The following ASNS variants were observed in gnomAD, a reference collection of about 807,000 sequenced individuals.
ASNS encodes asparagine synthetase [glutamine-hydrolyzing].
ASNS carries 37 observed loss-of-function variants against 62.6 expected under a neutral mutation model. That is an observed-to-expected ratio of 0.59 (90% CI 0.45 to 0.78). The LOEUF (loss-of-function observed/expected upper bound fraction) is 0.78. Ranked by LOEUF, ASNS falls within the 30% of genes least tolerant of loss-of-function variation. ASNS has a pLI of 0.00. For synonymous variants in ASNS, 207 were observed against 237.9 expected (o/e 0.87, Z 1.19); for missense variants, 520 against 682.4 (o/e 0.76, Z 2.65).
Position 97,852,218 on chromosome 7 carries a change from AC to A in ASNS, c.*40del. 1 of 1,603,728 alleles carries A rather than the reference AC, an allele frequency of 6.2e-7. No individual in the cohort carries two copies. The highest frequency in any genetic ancestry group is 8.5e-7 in the Non-Finnish European group (1 of 1,173,204). ...TATCTACCCACAGTCCCCATCCAAC[AC>A]GAAGAAATATTTGCTTTCACATTAC... On this transcript the variant is annotated 3_prime_UTR_variant, in exon 13 of 13. Coordinates refer to ENST00000394308, the MANE Select transcript of ASNS (RefSeq NM_001673.5).
the ASNS span, among the ~76,000 whole-genome samples, chr7:97,904,284 T>TCTCACA: frequency 5.3e-4 from 71 of 135,200 alleles, no homozygotes; most frequent in African/African-American, 1.9e-3. Context: ...ACTACCAGTT[T>TCTCACA]CACACACACA....
chr7:97,921,908 A>G, the ASNS span, among the ~76,000 whole-genome samples: 1 of 152,160 alleles, frequency 6.6e-6, no homozygotes, highest in East Asian at 1.9e-4. Flanking sequence ...TCCAGCAACA[A>G]TGTAGTGTAC....
chr7:97,875,296 C>T (rs1792415100), upstream of ASNS, among the ~76,000 whole-genome samples: 1 of 152,228 alleles, frequency 6.6e-6, no homozygotes, highest in African/African-American at 2.4e-5. Context: ...CATGCCACCA[C>T]TGTCTGGCTA....
the ASNS span, chr7:97,927,985 C>T: frequency 5.7e-6 from 4 of 704,148 alleles, no homozygotes; most frequent in Admixed American, 7.5e-5. Flanking sequence ...CAGCTTTAAC[C>T]CGGGGCAGGC....
intron 7 of ASNS, among the ~76,000 whole-genome samples, chr7:97,857,974 A>G (rs1791537050): frequency 6.6e-6 from 1 of 152,096 alleles, no homozygotes; most frequent in African/African-American, 2.4e-5. Context: ...TCAGCCTCGT[A>G]AAGTGCTGGG....
the ASNS span, among the ~76,000 whole-genome samples, chr7:97,878,128 G>A: frequency 6.6e-6 from 1 of 152,220 alleles, no homozygotes; most frequent in Non-Finnish European, 1.5e-5. Flanking sequence ...GCTCACACCT[G>A]TAATCCCAAC....
At chr7:97,900,359 T>TAAAAA in the ASNS span, among the ~76,000 whole-genome samples, 6 of 58,384 alleles carry the variant, frequency 1.0e-4, no homozygotes, top group Non-Finnish European at 1.4e-4. Context: ...AGACTTTGTC[T>TAAAAA]CAAAAAAAAA....
chr7:97,906,415 C>A, the ASNS span: 1 of 262,678 alleles, frequency 3.8e-6, no homozygotes, highest in Non-Finnish European at 7.4e-6. Context: ...ACCCATGTCC[C>A]CAGTGCATCC....
At chr7:97,915,958 A>G in the ASNS span, among the ~76,000 whole-genome samples, 4 of 152,216 alleles carry the variant, frequency 2.6e-5, no homozygotes. Context: ...TGAGGCTGCC[A>G]TGGACTCAGA....
At chr7:97,865,801 C>T (rs141168755) in intron 3 of ASNS, among the ~76,000 whole-genome samples, 4 of 152,262 alleles carry the variant, frequency 2.6e-5, no homozygotes, top group Admixed American at 6.5e-5. Flanking sequence ...CTGCCAATGG[C>T]GTATCCAGCT....
the ASNS span, among the ~76,000 whole-genome samples, chr7:97,900,779 A>T: frequency 1.3e-5 from 2 of 152,082 alleles, no homozygotes; most frequent in South Asian, 2.1e-4. Flanking sequence ...GAGCCACGGT[A>T]AGACTGACTG....
intron 3 of ASNS, among the ~76,000 whole-genome samples, chr7:97,865,866 G>C (rs1791938592): frequency 6.6e-6 from 1 of 152,078 alleles, no homozygotes; most frequent in Non-Finnish European, 1.5e-5. Context: ...GGGAAATCCG[G>C]GCATGTGTAG....
intron 1 of ASNS, chr7:97,870,207 T>A: frequency 1.0e-6 from 1 of 1,003,608 alleles, no homozygotes; most frequent in South Asian, 2.9e-5. Flanking sequence ...GATGACTGCC[T>A]TTCTGTTCAG....
the ASNS span, among the ~76,000 whole-genome samples, chr7:97,905,090 C>A: frequency 6.6e-6 from 1 of 152,192 alleles, no homozygotes; most frequent in Admixed American, 6.5e-5. Flanking sequence ...TAGCTTGATT[C>A]TAATGCCCTT....
At chr7:97,871,909 G>A (rs1422524767) in intron 1 of ASNS, 1 of 152,248 alleles carries the variant, frequency 6.6e-6, no homozygotes, top group East Asian at 1.9e-4. Flanking sequence ...TCCTAGATCA[G>A]GACCACGCGA....
At chr7:97,896,741 C>CACACACACATAT in the ASNS span, among the ~76,000 whole-genome samples, 5 of 19,780 alleles carry the variant, frequency 2.5e-4, no homozygotes, top group Admixed American at 1.2e-3. Context: ...CACACACACA[C>CACACACACATAT]ATATATATAT....
At chr7:97,925,928 C>A in the ASNS span, among the ~76,000 whole-genome samples, 1 of 151,974 alleles carries the variant, frequency 6.6e-6, no homozygotes, top group Admixed American at 6.6e-5. Context: ...CATTCACAAG[C>A]GGTCAATAAA....
At chr7:97,896,484 CT>C in the ASNS span, among the ~76,000 whole-genome samples, 8 of 147,816 alleles carry the variant, frequency 5.4e-5, no homozygotes, top group Admixed American at 4.8e-4. Flanking sequence ...GTCCCAGCAG[CT>C]ACTCAGGAGG....
chr7:97,878,649 C>A, the ASNS span, among the ~76,000 whole-genome samples: 1 of 152,092 alleles, frequency 6.6e-6, no homozygotes, highest in East Asian at 1.9e-4. Context: ...AAAGAGGATA[C>A]AAACAAATGG....
Sources: allele counts gnomAD v4.1 joint callset (sites outside exome capture counted in the v4.1 genomes callset), GRCh38; gene constraint gnomAD v4.1.1; transcripts MANE v1.5; gene names NCBI Gene and HGNC (gene_info 2026-07-23, HGNC 2026-07-21).